Variants in KIF14 observed in about 807,000 individuals in gnomAD.
KIF14 encodes kinesin-like protein KIF14.
In KIF14, 98 loss-of-function variants were observed where a neutral mutation model predicts 176.2. The observed-to-expected ratio is 0.56, with a 90% CI of 0.47 to 0.66. The LOEUF is 0.66. Ranked by LOEUF, KIF14 falls within the 30% of genes least tolerant of loss-of-function variation. The pLI is 0.00. For missense variants in KIF14, 1,751 were observed against 1,920.4 expected (o/e 0.91, Z 1.65); for synonymous variants, 566 against 632.2 (o/e 0.90, Z 1.57).
At chr1:200,576,972 G>C (rs1319821500) in intron 21 of KIF14, among the ~76,000 whole-genome samples, 1 of 151,914 alleles carries the variant, frequency 6.6e-6, no homozygotes, top group East Asian at 1.9e-4. Context: ...TGGGACTCCA[G>C]GCACGCAACA....
intron 22 of KIF14, among the ~76,000 whole-genome samples, chr1:200,573,349 A>T (rs1470101653): frequency 6.6e-6 from 1 of 151,768 alleles, no homozygotes; most frequent in South Asian, 2.1e-4. Context: ...GGATGCTGAT[A>T]TCAGACTTTG....
chr1:200,580,283 T>C lies in KIF14; in HGVS notation c.3436A>G (p.Lys1146Glu), dbSNP rs1276712532. 1 of 1,482,816 alleles carries C rather than the reference T, an allele frequency of 6.7e-7. No individual in the cohort carries two copies. The highest frequency in any genetic ancestry group is 9.0e-7 in the Non-Finnish European group (1 of 1,107,270). The allele number at this position is 1,482,816 out of a possible 1,614,324, so 91.9% of individuals were successfully genotyped here. A position where few individuals can be genotyped will look rare whatever the true frequency, so the allele number is the denominator to read the frequency against. The change falls in exon 21 of 30, where the codon AAA (lysine) becomes GAA (glutamate). Residue 1146 changes from lysine to glutamate, a missense_variant. Lys to Glu is a moderately conservative substitution (Grantham distance 56, BLOSUM62 1). Coordinates refer to ENST00000367350, the MANE Select transcript of KIF14 (RefSeq NM_014875.3). ...TAAAGTTCTTTCATTGCTGCAAGTT[T>C]AGATTCAAACTTTTCCAGACTCCAG... ...TFWSLEKFES[K>E]LAAMKELYES... is the part of the protein sequence containing the mutation.
Position 200,618,527 on chromosome 1 carries a change from G to T in KIF14, c.197C>A (p.Thr66Asn), listed in dbSNP as rs761374548. 6.2e-7 allele frequency: 1 copy of T among 1,613,726 alleles called. No individual in the cohort carries two copies. The highest frequency in any genetic ancestry group is 1.7e-5 in the Admixed American group (1 of 60,018). Reference protein sequence around the residue: ...SAGKVRDINRTYVISASRKTA... With the variant: ...SAGKVRDINRNYVISASRKTA... Reference sequence around the variant, plus strand: ...TTTTCTACTGGCAGAAATAACATAAGTTCTATTTATGTCTCTGACTTTACC... The same window carrying T: ...TTTTCTACTGGCAGAAATAACATAATTTCTATTTATGTCTCTGACTTTACC... Residue 66 changes from threonine to asparagine, a missense_variant, in exon 2 of 30, where the codon ACT becomes AAT. Physicochemically the swap from Thr to Asn is moderately conservative, Grantham distance 65. Transcript: ENST00000367350.
rs2794412 is a variant in KIF14 at position 200,589,684 on chromosome 1, T to C, written c.2962-315A>G. Among the ~76,000 whole-genome samples the C allele has an allele frequency of 5.6e-3, 781 of 139,876 alleles. 4 individuals are homozygous for C. The highest frequency in any genetic ancestry group is 9.4e-3 in the Admixed American group (132 of 14,068). The allele number at this position is 139,876 out of a possible 152,430, so 91.8% of individuals were successfully genotyped here. ...ACCAACTTTTTTCTTTTTTTTTTTTTTTTTTTTTTTTTTGAGACAGAGTCT... is the reference window on the plus strand; with the variant it reads ...ACCAACTTTTTTCTTTTTTTTTTTTCTTTTTTTTTTTTTGAGACAGAGTCT... On this transcript the variant is annotated intron_variant, in intron 17 of 29. Transcript: ENST00000367350.
chr1:200,580,453 G>T (rs1484410561), intron 20 of KIF14, 70 bp from the exon 21 acceptor site: 2 of 1,040,270 alleles, frequency 1.9e-6, no homozygotes, highest in South Asian at 3.1e-5. Context: ...AGAGTTTTCT[G>T]GGGTAGAATA....
At chr1:200,563,945 T>C (rs1471407225) in intron 25 of KIF14, among the ~76,000 whole-genome samples, 2 of 151,982 alleles carry the variant, frequency 1.3e-5, no homozygotes, top group African/African-American at 4.8e-5. Flanking sequence ...CATATGGTGA[T>C]TTCCAGAAAC....
In KIF14 at chr1:200,553,597, A is replaced by G. The variant is rs777626538; in HGVS notation, c.4738T>C (p.Phe1580Leu). ...GGGCTTTCTTCAGATTCAAAACAAAAGAGGAGAGACTTAGCTAGAGATTCT... is the reference window on the plus strand; with the variant it reads ...GGGCTTTCTTCAGATTCAAAACAAAGGAGGAGAGACTTAGCTAGAGATTCT... ...ELESLAKSLL[F>L]CFESEESPDL... is the part of the protein sequence containing the mutation. Residue 1580 changes from phenylalanine (F) to leucine (L), a missense_variant, in exon 30 of 30, where the codon TTT (phenylalanine) becomes CTT (leucine). By Grantham distance (22) the Phe-to-Leu change is conservative. Coordinates refer to ENST00000367350, the MANE Select transcript of KIF14 (RefSeq NM_014875.3). 2 of 1,614,162 alleles carry G rather than the reference A, an allele frequency of 1.2e-6. No individual in the cohort carries two copies. The highest frequency in any genetic ancestry group is 1.7e-6 in the Non-Finnish European group (2 of 1,180,028).
chr1:200,568,783 T>A (rs1189307986), intron 23 of KIF14, among the ~76,000 whole-genome samples: 1 of 152,208 alleles, frequency 6.6e-6, no homozygotes, highest in Non-Finnish European at 1.5e-5. Context: ...ATAAAAGGAA[T>A]CATGTAGTAT....
intron 5 of KIF14, among the ~76,000 whole-genome samples, chr1:200,607,998 C>T (rs890346093): frequency 1.3e-4 from 20 of 152,174 alleles, no homozygotes; most frequent in African/African-American, 3.6e-4. Flanking sequence ...CACGCCCAGC[C>T]GTCTTCTTTA....
At chr1:200,610,317 G>C (rs1048520919) in intron 4 of KIF14, among the ~76,000 whole-genome samples, 1 of 151,872 alleles carries the variant, frequency 6.6e-6, no homozygotes, top group African/African-American at 2.4e-5. Context: ...TGGCTAACAC[G>C]GTGAAACTAA....
At chr1:200,608,777 T>G in intron 5 of KIF14, 53 bp downstream of exon 5, 1 of 1,089,546 alleles carries the variant, frequency 9.2e-7, no homozygotes, top group African/African-American at 1.6e-5. Context: ...AATAATTAGA[T>G]ACATTTATAA....
chr1:200,617,192 C>A (rs1327603765), intron 2 of KIF14, among the ~76,000 whole-genome samples: 2 of 152,032 alleles, frequency 1.3e-5, no homozygotes, highest in African/African-American at 4.8e-5. Context: ...GGTCTCAAAC[C>A]CCTGGCCTCA....
At chr1:200,612,840 C>A (rs1660220828) in intron 4 of KIF14, among the ~76,000 whole-genome samples, 1 of 151,300 alleles carries the variant, frequency 6.6e-6, no homozygotes, top group African/African-American at 2.4e-5. Flanking sequence ...CTAAGACAGT[C>A]CTTCATGAGC....
intron 29 of KIF14, 106 bp downstream of exon 29, chr1:200,554,362 G>T (rs1327932861): frequency 2.7e-6 from 2 of 745,142 alleles, no homozygotes; most frequent in Non-Finnish European, 4.3e-6. Flanking sequence ...CTGCACTCCA[G>T]CCTGAGTGAC....
intron 20 of KIF14, 92 bp from the exon 21 acceptor site, chr1:200,580,475 A>G (rs1658383986): frequency 1.5e-6 from 1 of 677,594 alleles, no homozygotes; most frequent in Non-Finnish European, 2.2e-6. Flanking sequence ...TTTCCCTAAA[A>G]ATTCCATCCA....
chr1:200,610,269 G>A (rs1371865954), intron 4 of KIF14, among the ~76,000 whole-genome samples: 1 of 152,126 alleles, frequency 6.6e-6, no homozygotes, highest in Non-Finnish European at 1.5e-5. Flanking sequence ...GGGAGGCCAA[G>A]GCAGGTGGAT....
At chr1:200,563,538 T>G (rs1657276178) in intron 25 of KIF14, among the ~76,000 whole-genome samples, 1 of 151,724 alleles carries the variant, frequency 6.6e-6, no homozygotes, top group Non-Finnish European at 1.5e-5. Context: ...AGCTGGCTGA[T>G]TTTTTTTATG....
At chr1:200,566,277 T>C (rs895053050) in intron 23 of KIF14, among the ~76,000 whole-genome samples, 1 of 151,692 alleles carries the variant, frequency 6.6e-6, no homozygotes, top group Non-Finnish European at 1.5e-5. Flanking sequence ...TTTCTTTTCT[T>C]TCTTTCTTTT....
chr1:200,578,397 A>G (rs1315217696), intron 21 of KIF14, among the ~76,000 whole-genome samples: 2 of 152,158 alleles, frequency 1.3e-5, no homozygotes, highest in Non-Finnish European at 2.9e-5. Context: ...ATAGTTCCAT[A>G]TGGAGTCAAA....
Sources: allele counts gnomAD v4.1 joint callset (sites outside exome capture counted in the v4.1 genomes callset), GRCh38; gene constraint gnomAD v4.1.1; transcripts MANE v1.5; gene names NCBI Gene and HGNC (gene_info 2026-07-23, HGNC 2026-07-21).